Variants in CCSER1 observed in about 807,000 individuals in gnomAD.
CCSER1 encodes serine-rich coiled-coil domain-containing protein 1.
Under a neutral mutation model 82.0 loss-of-function variants are expected in CCSER1, and 41 were observed. The ratio of observed to expected loss-of-function variants is 0.50; its 90% confidence interval spans 0.39 to 0.65. The LOEUF is 0.65. Among genes scored for constraint, CCSER1 ranks in the 30% least tolerant of loss-of-function variants. The pLI is 0.00. For missense variants in CCSER1, 1,119 were observed against 1,064.2 expected (o/e 1.05, Z -0.72); for synonymous variants, 414 against 383.9 (o/e 1.08, Z -0.92).
At chr4:91,027,929 G>A (rs1249017148) in intron 9 of CCSER1, among the ~76,000 whole-genome samples, 2 of 151,990 alleles carry the variant, frequency 1.3e-5, no homozygotes, top group Non-Finnish European at 2.9e-5. Context: ...CTGTTGCAAT[G>A]TCATTCTGCT....
At chr4:91,321,569 T>C (rs1232676730) in intron 10 of CCSER1, among the ~76,000 whole-genome samples, 1 of 152,110 alleles carries the variant, frequency 6.6e-6, no homozygotes, top group African/African-American at 2.4e-5. Flanking sequence ...ATTTAACTTA[T>C]TTTTTTATTG....
intron 9 of CCSER1, among the ~76,000 whole-genome samples, chr4:90,944,969 G>C (rs925334376): frequency 3.9e-5 from 6 of 152,124 alleles, no homozygotes; most frequent in African/African-American, 7.2e-5. Context: ...TGAAGAAAAT[G>C]CTTTATAGAA....
chr4:90,881,636 T>C (rs1475392686), intron 8 of CCSER1, among the ~76,000 whole-genome samples: 1 of 151,876 alleles, frequency 6.6e-6, no homozygotes, highest in African/African-American at 2.4e-5. Flanking sequence ...CAACAAAAAA[T>C]TGGCCAGGCT....
chr4:90,561,567 G>A lies in CCSER1; in HGVS notation c.1725-66458G>A, dbSNP rs941361503. ...ATTTTTGAATCTACATTTTAAGATC[G>A]CACAATGTTAAGGAGCAATTGATTT... On this transcript the variant is annotated intron_variant, in intron 5 of 10. Coordinates refer to ENST00000509176, the MANE Select transcript of CCSER1 (RefSeq NM_001145065.2). Among the ~76,000 whole-genome samples the A allele has an allele frequency of 5.3e-5, 8 of 152,150 alleles. 1 individual carries two copies. The South Asian group carries it at 8.3e-4, about 16-fold the overall frequency.
intron 10 of CCSER1, among the ~76,000 whole-genome samples, chr4:91,276,871 T>A (rs1053652273): frequency 6.6e-6 from 1 of 152,142 alleles, no homozygotes; most frequent in South Asian, 2.1e-4. Context: ...AAAGGAATGT[T>A]GAATTTTTCC....
intron 9 of CCSER1, among the ~76,000 whole-genome samples, chr4:91,056,316 G>A (rs531312817): frequency 2.2e-4 from 34 of 151,626 alleles, no homozygotes; most frequent in Middle Eastern, 3.2e-3. Context: ...TAAAAAAAAA[G>A]AAGATAATTT....
intron 10 of CCSER1, among the ~76,000 whole-genome samples, chr4:91,485,568 T>G (rs1274729289): frequency 3.3e-5 from 5 of 152,160 alleles, no homozygotes; most frequent in Non-Finnish European, 7.4e-5. Flanking sequence ...GTGAACTCAC[T>G]TGTACTCTTC....
At chr4:90,718,830 A>G (rs1742153078) in intron 6 of CCSER1, among the ~76,000 whole-genome samples, 1 of 152,154 alleles carries the variant, frequency 6.6e-6, no homozygotes, top group Admixed American at 6.5e-5. Flanking sequence ...ATATGCAGAG[A>G]CAGTACAGAC....
At chr4:90,386,762 G>A (rs964206929) in intron 3 of CCSER1, among the ~76,000 whole-genome samples, 1 of 152,140 alleles carries the variant, frequency 6.6e-6, no homozygotes, top group African/African-American at 2.4e-5. Context: ...TGCACCTGCT[G>A]TTTCCTATTT....
At chr4:90,395,856 G>A (rs1335663571) in intron 3 of CCSER1, among the ~76,000 whole-genome samples, 1 of 151,174 alleles carries the variant, frequency 6.6e-6, no homozygotes, top group Non-Finnish European at 1.5e-5. Context: ...GCAGACATGA[G>A]GTCAGAAGTT....
At chr4:91,023,946 A>G (rs1429500274) in intron 9 of CCSER1, among the ~76,000 whole-genome samples, 3 of 152,210 alleles carry the variant, frequency 2.0e-5, no homozygotes, top group Non-Finnish European at 4.4e-5. Flanking sequence ...TATAAGAGAC[A>G]AAATTCATTT....
chr4:90,740,247 A>G (rs1445675274), intron 7 of CCSER1, among the ~76,000 whole-genome samples: 1 of 152,156 alleles, frequency 6.6e-6, no homozygotes, highest in Admixed American at 6.6e-5. Flanking sequence ...ATATATGTTT[A>G]TATATTATTA....
At chr4:90,437,288 C>CAT (rs539992640) in intron 4 of CCSER1, among the ~76,000 whole-genome samples, 554 of 147,110 alleles carry the variant, frequency 3.8e-3, no homozygotes, top group African/African-American at 0.013. Flanking sequence ...CACACACACA[C>CAT]ATATATATAT....
chr4:90,562,554 T>C (rs1778901708), intron 5 of CCSER1, among the ~76,000 whole-genome samples: 1 of 152,152 alleles, frequency 6.6e-6, no homozygotes, highest in African/African-American at 2.4e-5. Flanking sequence ...ATTTATTTAT[T>C]TGTGACAGAG....
At position 90,707,252 on chromosome 4, in the gene CCSER1, T is replaced by C. The variant is rs549873337; in HGVS notation, c.1933-16662T>C. ...TTAGCTCCTTGAACTGTTTTTTTTT[T>C]CAATAATCTTGTTCTCAATCCTATC... is the stretch of plus-strand genomic sequence containing the variant. On this transcript the variant is annotated intron_variant, in intron 6 of 10. Coordinates refer to ENST00000509176, the MANE Select transcript of CCSER1 (RefSeq NM_001145065.2). Among the ~76,000 whole-genome samples the C allele has an allele frequency of 8.5e-5, 13 of 152,230 alleles. No homozygotes were observed. In the South Asian group the frequency reaches 2.3e-3, roughly 27 times the overall value.
At chr4:91,005,872 A>G (rs728701) in intron 9 of CCSER1, among the ~76,000 whole-genome samples, 41,669 of 152,088 alleles carry the variant, frequency 0.27, 6,899 homozygotes, top group East Asian at 0.39. Flanking sequence ...TTGAAAATCA[A>G]TTGGCTGTAG....
At chr4:91,283,120 AT>A (rs544469994) in intron 10 of CCSER1, among the ~76,000 whole-genome samples, 139 of 152,150 alleles carry the variant, frequency 9.1e-4, no homozygotes, top group Admixed American at 1.7e-3. Context: ...TTATAATATA[AT>A]TCTGTGACAG....
intron 9 of CCSER1, among the ~76,000 whole-genome samples, chr4:91,047,063 A>T (rs1309647119): frequency 6.6e-6 from 1 of 152,116 alleles, no homozygotes; most frequent in Non-Finnish European, 1.5e-5. Context: ...CCACTGACTA[A>T]AACTCAGTTA....
chr4:90,420,380 T>C (rs572197140), intron 4 of CCSER1, among the ~76,000 whole-genome samples: 5 of 152,164 alleles, frequency 3.3e-5, no homozygotes, highest in Non-Finnish European at 5.9e-5. Flanking sequence ...TCCTCCTACT[T>C]CTTCTCCTAT....
Sources: gnomAD v4.1 joint callset for allele counts (sites outside exome capture counted in the v4.1 genomes callset) on GRCh38, gnomAD v4.1.1 for gene constraint, MANE v1.5 for transcripts, NCBI Gene and HGNC (gene_info 2026-07-23, HGNC 2026-07-21) for gene names.